The following PPP3R1 variants were observed in gnomAD, a reference collection of about 807,000 sequenced individuals.
The protein encoded by PPP3R1 is protein phosphatase 3 regulatory subunit B, alpha.
In PPP3R1, 5 loss-of-function variants were observed where a neutral mutation model predicts 22.6. The ratio of observed to expected loss-of-function variants is 0.22; its 90% CI spans 0.12 to 0.46. PPP3R1 has a LOEUF of 0.46. Ranked by LOEUF, PPP3R1 falls within the 20% of genes least tolerant of loss-of-function variation. The probability of loss-of-function intolerance (pLI) is 0.99; values close to 1 mark genes in which losing one functional copy is unlikely to be tolerated. For synonymous variants in PPP3R1, 56 were observed against 65.2 expected, an observed-to-expected ratio of 0.86 and a Z score of 0.68; for missense variants, 61 against 203.2, an observed-to-expected ratio of 0.30 and a Z score of 4.25.
chr2:68,192,561 T>C (rs1035527054), intron 2 of PPP3R1, among the ~76,000 whole-genome samples: 2 of 152,176 alleles, frequency 1.3e-5, no homozygotes, highest in African/African-American at 4.8e-5. Flanking sequence ...AGGATTGTTT[T>C]AGCTACTCAG....
At chr2:68,203,940 C>T (rs1675049448) in intron 2 of PPP3R1, among the ~76,000 whole-genome samples, 1 of 152,162 alleles carries the variant, frequency 6.6e-6, no homozygotes, top group Non-Finnish European at 1.5e-5. Context: ...AGAGATGAGA[C>T]ATCTTTTTAG....
chr2:68,228,360 G>T (rs952586757), intron 1 of PPP3R1, among the ~76,000 whole-genome samples: 1 of 152,070 alleles, frequency 6.6e-6, no homozygotes, highest in Non-Finnish European at 1.5e-5. Context: ...TTGGATTTTG[G>T]TATCAAGGAA....
intron 1 of PPP3R1, among the ~76,000 whole-genome samples, chr2:68,249,903 G>A (rs1197966126): frequency 6.6e-6 from 1 of 152,134 alleles, no homozygotes; most frequent in Non-Finnish European, 1.5e-5. Context: ...AGAGTTCTAA[G>A]AGAGATTTTC....
chr2:68,241,735 T>A (rs1670141526), intron 1 of PPP3R1, among the ~76,000 whole-genome samples: 1 of 150,758 alleles, frequency 6.6e-6, no homozygotes, highest in Non-Finnish European at 1.5e-5. Context: ...TCCCAGCTAC[T>A]CAGAAGGCTG....
intron 2 of PPP3R1, among the ~76,000 whole-genome samples, 167 bp from the exon 3 acceptor site, chr2:68,188,857 ATTATG>A (rs1558627501): frequency 1.3e-5 from 2 of 152,322 alleles, no homozygotes; most frequent in South Asian, 2.1e-4. Flanking sequence ...AGAGGTATAT[ATTATG>A]TTAACTAATT....
At chr2:68,211,794 A>T (rs1490155983) in intron 2 of PPP3R1, among the ~76,000 whole-genome samples, 1 of 152,142 alleles carries the variant, frequency 6.6e-6, no homozygotes, top group Non-Finnish European at 1.5e-5. Flanking sequence ...ATATCAAGAA[A>T]CCACTTTCTT....
intron 2 of PPP3R1, among the ~76,000 whole-genome samples, chr2:68,198,202 A>G (rs1198406358): frequency 2.1e-5 from 3 of 144,330 alleles, no homozygotes; most frequent in East Asian, 2.0e-4. Flanking sequence ...ATTTACATAT[A>G]TGTGCATACA....
chr2:68,185,868 T>G (rs1298223585), intron 5 of PPP3R1, among the ~76,000 whole-genome samples: 3 of 152,268 alleles, frequency 2.0e-5, no homozygotes, highest in African/African-American at 7.2e-5. Flanking sequence ...AGATGGTTTT[T>G]GCTTAAGGAT....
In PPP3R1 at chr2:68,187,321, AAG is replaced by A. The variant is rs1334821850; in HGVS notation, c.221-9_221-8del. The A allele has an allele frequency of 1.2e-6, 2 of 1,605,764 alleles. No homozygotes were observed. Among genetic ancestry groups the A allele is most frequent in the East Asian group, 4.5e-5 (2 of 44,692 alleles). On this transcript the variant is annotated splice_region_variant and splice_polypyrimidine_tract_variant and intron_variant, in intron 3 of 5. Coordinates refer to ENST00000234310, the MANE Select transcript of PPP3R1 (RefSeq NM_000945.4). ...GAGACGCCCTCAATGAATTCTGAAT[AAG>A]AGTTAAAAATGTTCACAAATCAGAA...
chr2:68,231,608 T>A (rs930600777), intron 1 of PPP3R1, among the ~76,000 whole-genome samples: 4 of 152,222 alleles, frequency 2.6e-5, no homozygotes, highest in African/African-American at 9.6e-5. Flanking sequence ...TTTACACTTT[T>A]ATCATTTTAT....
At chr2:68,214,848 A>T (rs896152989) in intron 2 of PPP3R1, among the ~76,000 whole-genome samples, 4 of 152,116 alleles carry the variant, frequency 2.6e-5, no homozygotes, top group Non-Finnish European at 1.5e-5. Flanking sequence ...ATTATTCACA[A>T]TATTATTATT....
At chr2:68,214,416 AG>A (rs1370000980) in intron 2 of PPP3R1, among the ~76,000 whole-genome samples, 1 of 152,194 alleles carries the variant, frequency 6.6e-6, no homozygotes, top group Non-Finnish European at 1.5e-5. Flanking sequence ...AGAATCTCTA[AG>A]GAACTTAAAC....
At chr2:68,209,749 C>T (rs1228680215) in intron 2 of PPP3R1, among the ~76,000 whole-genome samples, 1 of 152,072 alleles carries the variant, frequency 6.6e-6, no homozygotes, top group South Asian at 2.1e-4. Flanking sequence ...CAGAGGCCAA[C>T]TTTGCCTCCC....
chr2:68,213,131 C>T (rs536245531), intron 2 of PPP3R1, among the ~76,000 whole-genome samples: 2 of 152,304 alleles, frequency 1.3e-5, no homozygotes, highest in South Asian at 4.1e-4. Context: ...TCTTATCATT[C>T]GTTTGTTCAC....
At chr2:68,251,987 G>T in intron 1 of PPP3R1, 138 bp downstream of exon 1, 1 of 896,384 alleles carries the variant, frequency 1.1e-6, no homozygotes, top group Non-Finnish European at 1.4e-6. Context: ...CGCAACCGCC[G>T]CGGGACCCGC....
At chr2:68,214,445 A>C (rs1005469622) in intron 2 of PPP3R1, among the ~76,000 whole-genome samples, 5 of 152,286 alleles carry the variant, frequency 3.3e-5, no homozygotes, top group East Asian at 1.9e-4. Context: ...CAAAAAAAAC[A>C]ACCCCATTAA....
At chr2:68,181,083 CA>C in intron 5 of PPP3R1, 73 bp from the exon 6 acceptor site, 1 of 1,444,876 alleles carries the variant, frequency 6.9e-7, no homozygotes, top group Non-Finnish European at 9.7e-7. Context: ...ACTACTTCAT[CA>C]AATTTTAAAA....
rs1481434047 is a variant in PPP3R1 at position 68,252,311 on chromosome 2, C to T, written c.-184G>A. 2.9e-6 allele frequency: 3 copies of T among 1,022,034 alleles called. No homozygotes were observed. The highest frequency in any genetic ancestry group is 3.5e-6 in the Non-Finnish European group (3 of 855,860). 63.3% of individuals were successfully genotyped at this position (1,022,034 alleles called of 1,614,324 possible). Reference sequence around the variant, plus strand: ...CGCGCCGGCCGGGCGATTGGGCACGCGAGGGAGCGGGCAGGGTAGGGGGAA... The same window carrying T: ...CGCGCCGGCCGGGCGATTGGGCACGTGAGGGAGCGGGCAGGGTAGGGGGAA... On this transcript the variant is annotated 5_prime_UTR_variant, in exon 1 of 6. Transcript: ENST00000234310.
chr2:68,247,463 T>A (rs999139717), intron 1 of PPP3R1, among the ~76,000 whole-genome samples: 1 of 152,216 alleles, frequency 6.6e-6, no homozygotes, highest in Non-Finnish European at 1.5e-5. Flanking sequence ...GTTCTTTCTG[T>A]TTCTCCTAGG....
Sources: gnomAD v4.1 joint callset for allele counts (sites outside exome capture counted in the v4.1 genomes callset) on GRCh38, gnomAD v4.1.1 for gene constraint, MANE v1.5 for transcripts, NCBI Gene and HGNC (gene_info 2026-07-23, HGNC 2026-07-21) for gene names.